ABI1: variants seen among roughly 807,000 people sequenced by gnomAD.
The protein encoded by ABI1 is abl interactor 1.
In ABI1, 14 loss-of-function variants were observed where a neutral mutation model predicts 54.6. That is an observed-to-expected ratio of 0.26 (90% confidence interval 0.17 to 0.40). The LOEUF (loss-of-function observed/expected upper bound fraction) is 0.40, where lower values mean the gene tolerates loss of function less well. ABI1 is among the 10% of genes least tolerant of loss of function. The pLI, the probability that ABI1 is intolerant of heterozygous loss-of-function variation, is 1.00. For synonymous variants in ABI1, 194 were observed against 209.3 expected (o/e 0.93, Z 0.63); for missense variants, 443 against 598.3 (o/e 0.74, Z 2.71).
At chr10:26,752,007 T>G (rs1429223619) in intron 9 of ABI1, among the ~76,000 whole-genome samples, 1 of 152,176 alleles carries the variant, frequency 6.6e-6, no homozygotes, top group Non-Finnish European at 1.5e-5. Context: ...TACTACAAAT[T>G]AATGAATGCA....
chr10:26,753,184 T>C (rs558530213), intron 9 of ABI1, among the ~76,000 whole-genome samples: 1 of 152,324 alleles, frequency 6.6e-6, no homozygotes, highest in African/African-American at 2.4e-5. Context: ...GAAAGGGCTA[T>C]TAGAAAACAA....
At chr10:26,813,343 C>T (rs1187605130) in intron 2 of ABI1, among the ~76,000 whole-genome samples, 1 of 151,782 alleles carries the variant, frequency 6.6e-6, no homozygotes, top group Non-Finnish European at 1.5e-5. Flanking sequence ...TCTGAAGAAG[C>T]CCCTTCATAA....
intron 2 of ABI1, among the ~76,000 whole-genome samples, chr10:26,805,579 G>A (rs1027141180): frequency 1.3e-5 from 2 of 152,180 alleles, no homozygotes; most frequent in African/African-American, 4.8e-5. Flanking sequence ...CAGATTATTT[G>A]AGGCAGAATG....
intron 1 of ABI1, among the ~76,000 whole-genome samples, chr10:26,845,378 C>G (rs964433996): frequency 6.6e-6 from 1 of 152,138 alleles, no homozygotes; most frequent in Non-Finnish European, 1.5e-5. Context: ...CATGATGGCT[C>G]ACACCTATAA....
At chr10:26,854,238 A>C (rs920630449) in intron 1 of ABI1, among the ~76,000 whole-genome samples, 1 of 152,220 alleles carries the variant, frequency 6.6e-6, no homozygotes, top group Non-Finnish European at 1.5e-5. Flanking sequence ...ACAGACCAGG[A>C]CTAGTCAGAA....
At chr10:26,803,622 CTGTT>C (rs2046699562) in intron 2 of ABI1, among the ~76,000 whole-genome samples, 1 of 152,198 alleles carries the variant, frequency 6.6e-6, no homozygotes, top group African/African-American at 2.4e-5. Flanking sequence ...ATTAAGTCAT[CTGTT>C]TAACATTCTG....
Position 26,812,374 on chromosome 10 carries a change from A to G in ABI1, c.285+10764T>C, listed in dbSNP as rs573960023. Among the ~76,000 whole-genome samples the G allele has an allele frequency of 3.3e-5, 5 of 152,302 alleles. No homozygotes were observed. In the East Asian group the frequency reaches 9.6e-4, roughly 29 times the overall value. ...TTCTCACAGTAAATCAGCCATATCA[A>G]GTGAGTGCTAATGAATGCTCCTTAG... On this transcript the variant is annotated intron_variant, in intron 2 of 10. Coordinates refer to ENST00000376140, the MANE Select transcript of ABI1 (RefSeq NM_001012750.3).
At chr10:26,771,702 G>T (rs1025495961) in intron 3 of ABI1, among the ~76,000 whole-genome samples, 7 of 152,100 alleles carry the variant, frequency 4.6e-5, no homozygotes, top group Non-Finnish European at 8.8e-5. Context: ...ACAGGGTCTG[G>T]AAAACTCTCT....
intron 2 of ABI1, among the ~76,000 whole-genome samples, chr10:26,799,285 C>T (rs2046389534): frequency 2.6e-5 from 4 of 151,918 alleles, no homozygotes; most frequent in South Asian, 4.2e-4. Flanking sequence ...AATATAATAT[C>T]GAGAACTATA....
chr10:26,808,287 ATGTT>A (rs1445292538), intron 2 of ABI1, among the ~76,000 whole-genome samples: 2 of 152,190 alleles, frequency 1.3e-5, no homozygotes, highest in Admixed American at 1.3e-4. Flanking sequence ...CACAGGAAGA[ATGTT>A]TGGTTGGTTT....
At chr10:26,801,982 C>T (rs546474471) in intron 2 of ABI1, among the ~76,000 whole-genome samples, 17 of 152,314 alleles carry the variant, frequency 1.1e-4, no homozygotes, top group African/African-American at 3.4e-4. Flanking sequence ...TTAACAGAGA[C>T]TCCTAATAGC....
At position 26,839,028 on chromosome 10, in the gene ABI1, G is replaced by A. The variant is rs572704448; in HGVS notation, c.118-15723C>T. Among the ~76,000 whole-genome samples, 121 of 152,142 alleles carry A rather than the reference G, an allele frequency of 8.0e-4. 1 individual carries two copies. Among genetic ancestry groups the A allele is most frequent in the Non-Finnish European group, 1.2e-3 (85 of 68,026 alleles). On this transcript the variant is annotated intron_variant, in intron 1 of 10. Coordinates refer to ENST00000376140, the MANE Select transcript of ABI1 (RefSeq NM_001012750.3). ...TTAATTCACTGGGAGGGTAAAGAGC[G>A]GAGACTGAGAAAGTAAATGTTCTCA...
rs1842042044 is a variant in ABI1, at chr10:26,781,038, AAGGCATTAGT to A, written c.286-3807_286-3798del. On this transcript the variant is annotated intron_variant, in intron 2 of 10. Transcript: ENST00000376140. Reference sequence around the variant, plus strand: ...GCTCACTGCGAATAGCCCATGTAGAAAGGCATTAGTAGGTTTGGGGCCCCACAATCCTTAT... The same window carrying A: ...GCTCACTGCGAATAGCCCATGTAGAAAGGTTTGGGGCCCCACAATCCTTAT... Among the ~76,000 whole-genome samples, 4 of 152,306 alleles carry A rather than the reference AAGGCATTAGT, an allele frequency of 2.6e-5. No homozygotes were observed. The South Asian group carries it at 8.3e-4, about 32-fold the overall frequency.
chr10:26,856,189 G>C (rs1383247456), intron 1 of ABI1, among the ~76,000 whole-genome samples: 1 of 149,376 alleles, frequency 6.7e-6, no homozygotes, highest in East Asian at 2.0e-4. Flanking sequence ...AGGAGGCTGA[G>C]GCAGGAGAAT....
At chr10:26,852,424 A>G (rs1468676650) in intron 1 of ABI1, among the ~76,000 whole-genome samples, 1 of 152,194 alleles carries the variant, frequency 6.6e-6, no homozygotes, top group Non-Finnish European at 1.5e-5. Context: ...AGTTGAGGTG[A>G]GCAGAGATTG....
intron 1 of ABI1, among the ~76,000 whole-genome samples, chr10:26,843,453 CAAAAAAAAAAAAAAAAAA>C (rs147957853): frequency 4.9e-3 from 261 of 53,034 alleles, no homozygotes; most frequent in African/African-American, 0.014. Flanking sequence ...GACTCCGTCT[CAAAAAAAAAAAAAAAAAA>C]AAAAAAAAAA....
At chr10:26,849,618 A>T (rs564098311) in intron 1 of ABI1, among the ~76,000 whole-genome samples, 1 of 152,252 alleles carries the variant, frequency 6.6e-6, no homozygotes, top group Non-Finnish European at 1.5e-5. Flanking sequence ...CATTTGGCAG[A>T]CATTTTCCTA....
intron 5 of ABI1, among the ~76,000 whole-genome samples, chr10:26,769,952 T>C (rs1239798237): frequency 5.9e-5 from 9 of 152,208 alleles, no homozygotes; most frequent in Admixed American, 5.2e-4. Flanking sequence ...AATCATTCCA[T>C]TTAAAACAAA....
At chr10:26,838,104 A>T (rs1370361114) in intron 1 of ABI1, among the ~76,000 whole-genome samples, 2 of 150,630 alleles carry the variant, frequency 1.3e-5, no homozygotes, top group African/African-American at 4.9e-5. Flanking sequence ...GCTCACTGCA[A>T]CCTCCATCTC....
Sources: gnomAD v4.1 joint callset for allele counts (sites outside exome capture counted in the v4.1 genomes callset) on GRCh38, gnomAD v4.1.1 for gene constraint, MANE v1.5 for transcripts, NCBI Gene and HGNC (gene_info 2026-07-23, HGNC 2026-07-21) for gene names.